The following RUFY3 variants were observed in gnomAD, a reference collection of about 807,000 sequenced individuals.
The protein encoded by RUFY3 is RUN and FYVE domain containing 3, also known as protein RUFY3.
A neutral mutation model predicts 84.0 loss-of-function variants in RUFY3; 34 were observed. That is an observed-to-expected ratio of 0.40 (90% confidence interval 0.31 to 0.54). The LOEUF (loss-of-function observed/expected upper bound fraction) is 0.54. Ranked by LOEUF, RUFY3 falls within the 20% of genes least tolerant of loss-of-function variation. RUFY3 has a pLI of 0.39. For missense variants in RUFY3, 507 were observed against 736.8 expected (o/e 0.69, Z 3.61); for synonymous variants, 242 against 252.9 (o/e 0.96, Z 0.41).
At chr4:70,717,868 A>G (rs563602047), upstream of RUFY3, among the ~76,000 whole-genome samples, 2 of 141,426 alleles carry the variant, frequency 1.4e-5, no homozygotes, top group Non-Finnish European at 3.0e-5. Flanking sequence ...AAGACTTGAC[A>G]TGGTATTTTT....
intron 4 of RUFY3, 144 bp from the exon 5 acceptor site, chr4:70,768,394 G>A (rs1369465778): frequency 4.4e-6 from 3 of 689,550 alleles, no homozygotes; most frequent in East Asian, 2.9e-5. Flanking sequence ...CTTTCTTTTT[G>A]TAGTTTTTTT....
rs1313316893 is a variant in RUFY3 at position 70,770,869 on chromosome 4, A to G, written c.696+2208A>G. 2.0e-5 allele frequency among the ~76,000 whole-genome samples: 3 copies of G among 152,098 alleles called. No homozygotes were observed. In the South Asian group the frequency reaches 6.2e-4, roughly 32 times the overall value. ...TTTGATTTAAAATAAGAAATGTGCA[A>G]TTCTTCCTTTCACTTGAACACTTAG... On this transcript the variant is annotated intron_variant, in intron 5 of 17. Coordinates refer to ENST00000381006, the MANE Select transcript of RUFY3 (RefSeq NM_001037442.4).
At position 70,793,905 on chromosome 4, in the gene RUFY3, G is replaced by A. The variant is rs771313940; in HGVS notation, c.1457+1G>A. The A allele has an allele frequency of 3.7e-6, 6 of 1,613,720 alleles. No homozygotes were observed. In the Admixed American group the frequency reaches 1.0e-4, roughly 27 times the overall value. ...AAGTCGAGGAGCTCACCAGGCAGCG[G>A]TGAAGAGGGGGTAGCTTGAGCTGAC... On this transcript the variant is annotated splice_donor_variant, in intron 13 of 17. Transcript: ENST00000381006. LOFTEE classifies it high-confidence loss of function.
chr4:70,751,095 A>G (rs1723061959), intron 1 of RUFY3, among the ~76,000 whole-genome samples: 1 of 152,126 alleles, frequency 6.6e-6, no homozygotes, highest in Admixed American at 6.6e-5. Flanking sequence ...TTTTAGATTC[A>G]GGGGCTACAT....
At chr4:70,713,597 G>T (rs1204009280) in intron 1 of RUFY3, among the ~76,000 whole-genome samples, 1 of 152,194 alleles carries the variant, frequency 6.6e-6, no homozygotes, top group Non-Finnish European at 1.5e-5. Flanking sequence ...GGAACCTTAT[G>T]ATGTGTAGGA....
At position 70,722,268 on chromosome 4, in the gene RUFY3, G is replaced by C. The variant is rs547868651; in HGVS notation, c.-306G>C. The C allele has an allele frequency of 2.4e-6, 3 of 1,231,776 alleles. No individual in the cohort carries two copies. Among genetic ancestry groups the C allele is most frequent in the South Asian group, 4.2e-5 (1 of 23,684 alleles). The allele number at this position is 1,231,776 out of a possible 1,614,324, so 76.3% of individuals were successfully genotyped here. A position where few individuals can be genotyped will look rare whatever the true frequency, so the allele number is the denominator to read the frequency against. On this transcript the variant is annotated 5_prime_UTR_variant, in exon 1 of 18. Coordinates refer to ENST00000381006, the MANE Select transcript of RUFY3 (RefSeq NM_001037442.4). The stretch of plus-strand genomic sequence containing the variant: ...CTATAGCTCAGCTGAAAAAAAAGGT[G>C]GGGGGCAGGGAAGGGAAGATAAAAG...
In RUFY3 at chr4:70,763,724, C is replaced by T. The variant is rs201985883; in HGVS notation, c.470+55C>T. On this transcript the variant is annotated intron_variant, in intron 3 of 17. Coordinates refer to ENST00000381006, the MANE Select transcript of RUFY3 (RefSeq NM_001037442.4). ...GGAACAGCATTCTTATTAACTATCC[C>T]TTGAAGAGCAAGACTAAAGACAATT... 1.2e-3 allele frequency: 1,885 copies of T among 1,571,778 alleles called. 7 individuals are homozygous for T. Among genetic ancestry groups the T allele is most frequent in the Middle Eastern group, 8.6e-3 (39 of 4,538 alleles).
chr4:70,756,967 CA>C lies in RUFY3; in HGVS notation c.179-5542del, dbSNP rs537478389. Among the ~76,000 whole-genome samples, 885 of 150,494 alleles carry C rather than the reference CA, an allele frequency of 5.9e-3. 4 individuals are homozygous for C. The highest frequency in any genetic ancestry group is 0.024 in the Middle Eastern group (7 of 290). ...CATAGAATAGGTTTATGTCATTTAA[CA>C]AAAAAAAAATTTTTTTAATTAGCTG... is the stretch of plus-strand genomic sequence containing the variant. On this transcript the variant is annotated intron_variant, in intron 1 of 17. Transcript: ENST00000381006.
chr4:70,732,999 G>A (rs76652323), intron 1 of RUFY3, among the ~76,000 whole-genome samples: 7,253 of 151,444 alleles, frequency 0.048, 355 homozygotes, highest in East Asian at 0.17. Flanking sequence ...CTCGGGAGGC[G>A]GAGGTTGCAG....
In RUFY3 at chr4:70,722,337, G is replaced by A. The variant is rs1342003960; in HGVS notation, c.-237G>A. The A allele has an allele frequency of 1.6e-6, 2 of 1,235,426 alleles. No individual in the cohort carries two copies. The highest frequency in any genetic ancestry group is 2.0e-6 in the Non-Finnish European group (2 of 990,304). 76.5% of individuals were successfully genotyped at this position (1,235,426 alleles called of 1,614,324 possible). A position where few individuals can be genotyped will look rare whatever the true frequency, so the allele number is the denominator to read the frequency against. Reference sequence around the variant, plus strand: ...GACAAGCATCATCTTATTTTGCTATGTGGTAGGAACTGTCTATAAGATAGT... The same window carrying A: ...GACAAGCATCATCTTATTTTGCTATATGGTAGGAACTGTCTATAAGATAGT... On this transcript the variant is annotated 5_prime_UTR_variant, in exon 1 of 18. In the 5' UTR this introduces an upstream ATG that the reference lacks. Coordinates refer to ENST00000381006, the MANE Select transcript of RUFY3 (RefSeq NM_001037442.4).
In RUFY3 at chr4:70,784,857, A is replaced by C. The variant is rs1560550421; in HGVS notation, c.1049A>C (p.Lys350Thr). 6.2e-7 allele frequency: 1 copy of C among 1,605,908 alleles called. No homozygotes were observed. Residue 350 changes from lysine (K) to threonine (T), a missense_variant, in exon 10 of 18, where the codon AAA becomes ACA. Physicochemically the swap from Lys to Thr is moderately conservative, Grantham distance 78. This residue lies in a region of RUFY3 where 334 missense variants were observed against 364.1 expected (regional missense o/e 0.92). Coordinates refer to ENST00000381006, the MANE Select transcript of RUFY3 (RefSeq NM_001037442.4). ...QALSEARKHL[K>T]EETQLRLDVE... ...CTAAGTGAAGCAAGAAAGCATTTAA[A>C]AGAAGAGACACAATTACGATTGGTA... is the stretch of plus-strand genomic sequence containing the variant.
At chr4:70,799,937 T>C (rs1732014889) in intron 14 of RUFY3, 2 of 474,736 alleles carry the variant, frequency 4.2e-6, no homozygotes, top group Non-Finnish European at 7.4e-6. Context: ...ACTTTGAAAA[T>C]CATTTGTCAC....
intron 1 of RUFY3, chr4:70,734,696 G>A (rs1720000064): frequency 3.1e-6 from 1 of 325,086 alleles, no homozygotes; most frequent in Non-Finnish European, 4.4e-6. Flanking sequence ...TCTAAACCAC[G>A]AAAGAGGTGC....
At chr4:70,704,774 C>T, upstream of RUFY3, 2 of 428,862 alleles carry the variant, frequency 4.7e-6, no homozygotes, top group Non-Finnish European at 7.4e-6. Context: ...GGCTGTGGGC[C>T]GAGCGGCGGA....
At chr4:70,732,758 G>A (rs1196656878) in intron 1 of RUFY3, among the ~76,000 whole-genome samples, 1 of 114,852 alleles carries the variant, frequency 8.7e-6, no homozygotes, top group Non-Finnish European at 1.7e-5. Context: ...GGACCTGTCG[G>A]TGGGTAGGGG....
exon 1 of RUFY3, chr4:70,704,883 C>A: frequency 8.7e-7 from 1 of 1,144,950 alleles, no homozygotes; most frequent in South Asian, 4.3e-5. Flanking sequence ...ACCCTCTGCT[C>A]CCCCGCCCAG....
chr4:70,808,142 T>A lies in RUFY3; in HGVS notation c.*1483T>A, dbSNP rs1733015788. On this transcript the variant is annotated 3_prime_UTR_variant, in exon 18 of 18. Coordinates refer to ENST00000381006, the MANE Select transcript of RUFY3 (RefSeq NM_001037442.4). ...CTTCATTTGCATGGATTCAACATAG[T>A]GCTTGGTGTTCAGTAAATTCAAGTT... is the stretch of plus-strand genomic sequence containing the variant. 1.3e-5 allele frequency among the ~76,000 whole-genome samples: 2 copies of A among 152,208 alleles called. No homozygotes were observed. Among genetic ancestry groups the A allele is most frequent in the African/African-American group, 2.4e-5 (1 of 41,444 alleles).
Position 70,768,553 on chromosome 4 carries a change from C to T in RUFY3, c.588C>T (p.Pro196=). 1 of 1,613,822 alleles carries T rather than the reference C, an allele frequency of 6.2e-7. No homozygotes were observed. Among genetic ancestry groups the T allele is most frequent in the Middle Eastern group, 1.7e-4 (1 of 6,058 alleles). The change falls in exon 5 of 18, where the codon CCC becomes CCT. Residue 196 remains proline, a synonymous_variant. Transcript: ENST00000381006. ...TCTCTTACAGTGAATTCTACGAACC[C>T]AATGCCCTCATGATGGAAGAAGAAG... ...KKELLSEFYE[P]NALMMEEEGA...
intron 1 of RUFY3, 89 bp downstream of exon 1, chr4:70,722,840 C>A: frequency 1.6e-6 from 2 of 1,277,514 alleles, no homozygotes; most frequent in South Asian, 1.4e-5. Flanking sequence ...GTAGAAAGAA[C>A]CTACACTCTC....
Sources: gnomAD v4.1 joint callset for allele counts (sites outside exome capture counted in the v4.1 genomes callset) on GRCh38, gnomAD v4.1.1 for gene constraint, gnomAD v4.1.1 regional missense constraint, MANE v1.5 for transcripts, NCBI Gene and HGNC (gene_info 2026-07-23, HGNC 2026-07-21) for gene names.